ZNF710: variants seen among roughly 807,000 people sequenced by gnomAD.
ZNF710 encodes the protein zinc finger protein 710.
Under a neutral mutation model 50.6 loss-of-function variants are expected in ZNF710, and 13 were observed. That is an observed-to-expected ratio of 0.26 (90% CI 0.17 to 0.41). The LOEUF is 0.41. Ranked by LOEUF, ZNF710 falls within the 10% of genes least tolerant of loss-of-function variation. ZNF710 has a pLI of 1.00. For synonymous variants in ZNF710, 383 were observed against 397.0 expected (o/e 0.96, Z 0.42); for missense variants, 721 against 936.6 (o/e 0.77, Z 3.01).
At chr15:90,041,287 C>A (rs1311926576) in intron 1 of ZNF710, among the ~76,000 whole-genome samples, 1 of 152,138 alleles carries the variant, frequency 6.6e-6, no homozygotes, top group African/African-American at 2.4e-5. Context: ...AACATCTGGG[C>A]TCAAGTGATC....
rs367810589 is a variant in ZNF710, at chr15:90,067,278, G to A, written c.141G>A (p.Leu47=). The part of the protein sequence containing the change: ...TISAEAFYPD[L]GPELSGAAMG... ...GCGCCGAGGCCTTCTACCCGGACCT[G>A]GGGCCCGAGCTTTCAGGGGCAGCCA... Residue 47 remains leucine (L), a synonymous_variant, in exon 2 of 5, where the codon CTG becomes CTA. Transcript: ENST00000268154. This position sits in a 1 kb window ranked among gnomAD's most constrained non-coding sequence, Gnocchi z 8.1. The A allele has an allele frequency of 1.2e-6, 2 of 1,612,270 alleles. No individual in the cohort carries two copies. The highest frequency in any genetic ancestry group is 1.7e-5 in the Admixed American group (1 of 59,834).
intron 1 of ZNF710, among the ~76,000 whole-genome samples, chr15:90,010,445 C>T (rs1898267572): frequency 6.6e-6 from 1 of 152,098 alleles, no homozygotes; most frequent in South Asian, 2.1e-4. Context: ...TGCACCACCA[C>T]AGCTGGCTAA....
At chr15:90,066,038 A>G (rs557833114) in intron 1 of ZNF710, among the ~76,000 whole-genome samples, 1 of 152,238 alleles carries the variant, frequency 6.6e-6, no homozygotes, top group Non-Finnish European at 1.5e-5. Context: ...CAGATCGGAC[A>G]TGGAACTCCA....
intron 1 of ZNF710, among the ~76,000 whole-genome samples, chr15:90,043,487 T>A (rs2151498392): frequency 6.6e-6 from 1 of 152,232 alleles, no homozygotes; most frequent in East Asian, 1.9e-4. Context: ...GCAACTCCCC[T>A]TGGGGGTGTA....
upstream of ZNF710, among the ~76,000 whole-genome samples, chr15:90,000,866 G>A (rs1252931492): frequency 2.6e-5 from 4 of 152,088 alleles, no homozygotes; most frequent in Non-Finnish European, 5.9e-5. Flanking sequence ...CTTGGGGGGG[G>A]CGGGGCGCAG....
intron 1 of ZNF710, among the ~76,000 whole-genome samples, chr15:90,035,993 A>AG (rs923015943): frequency 1.3e-5 from 2 of 152,126 alleles, no homozygotes; most frequent in African/African-American, 4.8e-5. Flanking sequence ...CATGCTTCCA[A>AG]GGGTGGCAGG....
At chr15:90,049,659 C>T (rs1020421337) in intron 1 of ZNF710, among the ~76,000 whole-genome samples, 1 of 152,178 alleles carries the variant, frequency 6.6e-6, no homozygotes, top group Non-Finnish European at 1.5e-5. Flanking sequence ...GTACCCTCCC[C>T]TGTGACATCC....
chr15:90,007,120 C>T (rs1406206958), intron 1 of ZNF710, among the ~76,000 whole-genome samples: 1 of 151,982 alleles, frequency 6.6e-6, no homozygotes, highest in African/African-American at 2.4e-5. Flanking sequence ...AGAATAATTC[C>T]CTAAAAGTGT....
In ZNF710 at chr15:90,034,213, A is replaced by AAAAG. The variant is rs1491505228; in HGVS notation, c.-29+32603_-29+32606dup. Among the ~76,000 whole-genome samples, 2 of 149,892 alleles carry AAAAG rather than the reference A, an allele frequency of 1.3e-5. No individual in the cohort carries two copies. The highest frequency in any genetic ancestry group is 2.1e-4 in the South Asian group (1 of 4,802). On this transcript the variant is annotated intron_variant, in intron 1 of 4. Coordinates refer to ENST00000268154, the MANE Select transcript of ZNF710 (RefSeq NM_198526.4). The surrounding 1 kb of genome is among the most constrained non-coding windows in gnomAD (Gnocchi z 4.0). ...ACTCTGTCTCAAAAAAAAAGAAAAG[A>AAAAG]AAAGAAAAGAAAAGAAAACAGGTGA...
At chr15:90,015,234 A>G (rs961542374) in intron 1 of ZNF710, among the ~76,000 whole-genome samples, 3 of 152,204 alleles carry the variant, frequency 2.0e-5, no homozygotes, top group Admixed American at 6.5e-5. Context: ...CAGACAGTTC[A>G]CAGAAAAGGT....
intron 4 of ZNF710, 126 bp from the exon 5 acceptor site, chr15:90,079,534 G>A: frequency 2.5e-6 from 3 of 1,209,946 alleles, no homozygotes; most frequent in Non-Finnish European, 3.5e-6. Flanking sequence ...CTGAGAGGCA[G>A]CTGAGACTCC....
In ZNF710 at chr15:90,011,313, T is replaced by C. The variant is rs535940431; in HGVS notation, c.-29+9699T>C. ...TTTTTAGAGGCAGTTCTGGCTATGT[T>C]GCCCAGGCTGGTCTCGAACTCCTGG... On this transcript the variant is annotated intron_variant, in intron 1 of 4. Transcript: ENST00000268154. Among the ~76,000 whole-genome samples, 6 of 152,332 alleles carry C rather than the reference T, an allele frequency of 3.9e-5. No homozygotes were observed. In the South Asian group the frequency reaches 1.2e-3, roughly 32 times the overall value.
At chr15:90,063,615 G>A (rs779346759) in intron 1 of ZNF710, among the ~76,000 whole-genome samples, 6 of 152,140 alleles carry the variant, frequency 3.9e-5, no homozygotes, top group African/African-American at 7.2e-5. Context: ...CTGTTCATAT[G>A]GGAAGGGGTT....
chr15:90,037,520 G>A (rs77936318), intron 1 of ZNF710, among the ~76,000 whole-genome samples: 2 of 152,312 alleles, frequency 1.3e-5, no homozygotes, highest in Non-Finnish European at 2.9e-5. Context: ...TAGTTCAGAA[G>A]AGGAAACTGA....
At chr15:90,056,970 C>T (rs1233097246) in intron 1 of ZNF710, among the ~76,000 whole-genome samples, 2 of 152,102 alleles carry the variant, frequency 1.3e-5, no homozygotes, top group East Asian at 3.9e-4. Context: ...TCCAGAATCC[C>T]GGTGCCTTCT....
intron 1 of ZNF710, among the ~76,000 whole-genome samples, chr15:90,047,934 G>A (rs1427630699): frequency 3.3e-5 from 5 of 152,154 alleles, no homozygotes; most frequent in Non-Finnish European, 7.3e-5. Flanking sequence ...CCCAGAGCTC[G>A]AGGGTCGTGC....
Position 90,068,633 on chromosome 15 carries a change from C to G in ZNF710, c.1458+38C>G, listed in dbSNP as rs918436408. The G allele has an allele frequency of 2.6e-6, 4 of 1,543,038 alleles. No homozygotes were observed. In the South Asian group the frequency reaches 4.8e-5, roughly 19 times the overall value. ...CCAGGGCCTGGGCATCTGCCTGCCC[C>G]TCCTGCCACTTTTTCATCCAGTACT... On this transcript the variant is annotated intron_variant, in intron 2 of 4. Coordinates refer to ENST00000268154, the MANE Select transcript of ZNF710 (RefSeq NM_198526.4). This position sits in a 1 kb window ranked among gnomAD's most constrained non-coding sequence, Gnocchi z 5.0.
chr15:90,012,675 A>T (rs958777545), intron 1 of ZNF710, among the ~76,000 whole-genome samples: 6 of 151,996 alleles, frequency 3.9e-5, no homozygotes, highest in Non-Finnish European at 7.4e-5. Flanking sequence ...TAGGTCACTA[A>T]TTCTCTCTTT....
At chr15:90,064,798 T>G (rs1002294191) in intron 1 of ZNF710, among the ~76,000 whole-genome samples, 4 of 152,212 alleles carry the variant, frequency 2.6e-5, no homozygotes, top group African/African-American at 9.7e-5. Flanking sequence ...CAACAGTGAT[T>G]CTTTACAGTT....
Sources: gnomAD v4.1 joint callset for allele counts (sites outside exome capture counted in the v4.1 genomes callset) on GRCh38, gnomAD v4.1.1 for gene constraint, Gnocchi (gnomAD v3.1) non-coding constraint, MANE v1.5 for transcripts, NCBI Gene and HGNC (gene_info 2026-07-23, HGNC 2026-07-21) for gene names.